Variants in COL6A5 observed in about 807,000 individuals in gnomAD.
COL6A5 encodes collagen alpha-5(VI) chain.
COL6A5 carries 48 observed loss-of-function variants against 65.6 expected under a neutral mutation model. The observed-to-expected ratio is 0.73, with a 90% CI of 0.58 to 0.93. The LOEUF (loss-of-function observed/expected upper bound fraction) is 0.93, where lower values mean the gene tolerates loss of function less well. Among genes scored for constraint, COL6A5 ranks in the 40% least tolerant of loss-of-function variants. The pLI, the probability that COL6A5 is intolerant of heterozygous loss-of-function variation, is 0.00. For missense variants in COL6A5, 914 were observed against 928.3 expected (o/e 0.98, Z 0.20); for synonymous variants, 291 against 322.8 (o/e 0.90, Z 1.05).
intron 5 of COL6A5, among the ~76,000 whole-genome samples, chr3:130,462,944 C>T (rs1209343180): frequency 6.6e-6 from 1 of 152,046 alleles, no homozygotes; most frequent in Non-Finnish European, 1.5e-5. Context: ...GGTTCAAATC[C>T]TGCCTCTACC....
intron 29 of COL6A5, among the ~76,000 whole-genome samples, chr3:130,425,724 A>G (rs1937590203): frequency 6.6e-6 from 1 of 152,006 alleles, no homozygotes; most frequent in Admixed American, 6.6e-5. Context: ...TTTTCTGTGT[A>G]ATTGTCTTTG....
At chr3:130,353,840 A>G (rs1053392115) in intron 1 of COL6A5, among the ~76,000 whole-genome samples, 2 of 152,068 alleles carry the variant, frequency 1.3e-5, no homozygotes, top group African/African-American at 4.8e-5. Context: ...GGAGGAATAG[A>G]AGAAAACCAT....
At chr3:130,474,651 T>C (rs1302380088) in intron 7 of COL6A5, among the ~76,000 whole-genome samples, 1 of 151,816 alleles carries the variant, frequency 6.6e-6, no homozygotes, top group Non-Finnish European at 1.5e-5. Flanking sequence ...AAAAATACAA[T>C]ATCTAAAATT....
rs373519002 is a variant in COL6A5 at position 130,362,252 on chromosome 3, T to TTCTCTC, written c.-28-11345_-28-11340dup. Among the ~76,000 whole-genome samples, 140 of 114,336 alleles carry TTCTCTC rather than the reference T, an allele frequency of 1.2e-3. 2 individuals are homozygous for TTCTCTC. The highest frequency in any genetic ancestry group is 0.012 in the East Asian group (39 of 3,368). 75.0% of individuals were successfully genotyped at this position (114,336 alleles called of 152,430 possible). ...TTTTTGGGAAGGGTGTAAGGTTTCT[T>TTCTCTC]TCTCTCTCTCTCTCTCTCTTTGTCT... On this transcript the variant is annotated intron_variant and NMD_transcript_variant, in intron 1 of 41. Coordinates refer to the COL6A5 transcript ENST00000312481.
At chr3:130,391,422 C>A in exon 7 of COL6A5, 1 of 1,551,698 alleles carries the variant, frequency 6.4e-7, no homozygotes, top group Non-Finnish European at 8.7e-7. Flanking sequence ...CGCAGGGACA[C>A]TGGAGGGAAC....
In COL6A5 at chr3:130,443,463, G is replaced by A; in HGVS notation, c.1242-13G>A. On this transcript the variant is annotated splice_polypyrimidine_tract_variant and intron_variant, in intron 3 of 7. Transcript: ENST00000512836. ...AGTTTTAAAATCTAACTATAACTTT[G>A]TTCTCTCAATAGGGGGATTCAATCA... 1 of 1,576,862 alleles carries A rather than the reference G, an allele frequency of 6.3e-7. No individual in the cohort carries two copies. The highest frequency in any genetic ancestry group is 8.7e-7 in the Non-Finnish European group (1 of 1,147,232).
intron 1 of COL6A5, among the ~76,000 whole-genome samples, chr3:130,348,842 G>T (rs1215761763): frequency 2.0e-5 from 3 of 152,182 alleles, no homozygotes; most frequent in Non-Finnish European, 4.4e-5. Flanking sequence ...GTATCTCATT[G>T]TGGTTTTGAT....
intron 29 of COL6A5, among the ~76,000 whole-genome samples, chr3:130,424,497 C>T (rs1196849702): frequency 6.6e-6 from 1 of 152,048 alleles, no homozygotes; most frequent in African/African-American, 2.4e-5. Flanking sequence ...TCCTAACAAG[C>T]ACAGTCAGGT....
intron 17 of COL6A5, among the ~76,000 whole-genome samples, chr3:130,406,693 GAA>G (rs1204461542): frequency 6.6e-6 from 1 of 151,820 alleles, no homozygotes; most frequent in African/African-American, 2.4e-5. Flanking sequence ...AAAAGCAAGA[GAA>G]AGAGACAAAA....
chr3:130,365,302 G>C (rs1013921859), intron 1 of COL6A5, among the ~76,000 whole-genome samples: 13 of 150,406 alleles, frequency 8.6e-5, no homozygotes, highest in African/African-American at 3.1e-4. Context: ...TTTTGAGACG[G>C]AGTCTCACTC....
intron 5 of COL6A5, among the ~76,000 whole-genome samples, chr3:130,466,286 G>T (rs763206186): frequency 1.8e-4 from 27 of 151,918 alleles, no homozygotes; most frequent in Non-Finnish European, 3.4e-4. Flanking sequence ...GACTGAAACA[G>T]AATTAAATTA....
At chr3:130,453,694 G>C (rs559338992) in intron 4 of COL6A5, among the ~76,000 whole-genome samples, 3 of 152,106 alleles carry the variant, frequency 2.0e-5, no homozygotes, top group Non-Finnish European at 4.4e-5. Flanking sequence ...TTTTCTGTGT[G>C]CTTCTTCGAG....
intron 1 of COL6A5, among the ~76,000 whole-genome samples, chr3:130,371,419 A>G (rs1935552326): frequency 6.6e-6 from 1 of 152,194 alleles, no homozygotes; most frequent in Non-Finnish European, 1.5e-5. Context: ...TCCAACTTCA[A>G]AACTTTCTAA....
At chr3:130,472,940 G>T (rs1387608562) in intron 7 of COL6A5, among the ~76,000 whole-genome samples, 1 of 143,490 alleles carries the variant, frequency 7.0e-6, no homozygotes, top group Non-Finnish European at 1.5e-5. Flanking sequence ...TTTAGATATG[G>T]GTATAATTGT....
chr3:130,452,222 C>T (rs1053707077), intron 4 of COL6A5, among the ~76,000 whole-genome samples: 5 of 152,110 alleles, frequency 3.3e-5, no homozygotes, highest in South Asian at 2.1e-4. Flanking sequence ...TGGACCAAAC[C>T]GATGACGTTT....
At chr3:130,407,034 T>C (rs530803128) in intron 17 of COL6A5, among the ~76,000 whole-genome samples, 1 of 152,274 alleles carries the variant, frequency 6.6e-6, no homozygotes, top group South Asian at 2.1e-4. Flanking sequence ...GTTGTAGATA[T>C]CTACATGGGA....
chr3:130,477,926 A>G (rs1382144082), intron 7 of COL6A5, among the ~76,000 whole-genome samples: 2 of 152,086 alleles, frequency 1.3e-5, no homozygotes, highest in African/African-American at 4.8e-5. Flanking sequence ...TAATCAAACC[A>G]ATTTGGCCAC....
At chr3:130,417,900 G>T (rs1937396592) in intron 24 of COL6A5, among the ~76,000 whole-genome samples, 1 of 151,986 alleles carries the variant, frequency 6.6e-6, no homozygotes, top group African/African-American at 2.4e-5. Context: ...CTTTCCCATG[G>T]CCTCCAGGAA....
intron 1 of COL6A5, among the ~76,000 whole-genome samples, chr3:130,353,620 A>G (rs1934801508): frequency 6.6e-6 from 1 of 152,108 alleles, no homozygotes; most frequent in Non-Finnish European, 1.5e-5. Context: ...AAAAAATCAC[A>G]TAGAATGCAG....
Sources: gnomAD v4.1 joint callset for allele counts (sites outside exome capture counted in the v4.1 genomes callset) on GRCh38, gnomAD v4.1.1 for gene constraint, MANE v1.5 for transcripts, NCBI Gene and HGNC (gene_info 2026-07-23, HGNC 2026-07-21) for gene names.